The following FMNL3 variants were observed in gnomAD, a reference collection of about 807,000 sequenced individuals.
FMNL3 encodes formin like 3, also known as formin-like protein 3.
FMNL3 carries 57 observed loss-of-function variants against 119.6 expected under a neutral mutation model. The ratio of observed to expected loss-of-function variants is 0.48; its 90% CI spans 0.39 to 0.59. The LOEUF (loss-of-function observed/expected upper bound fraction) is 0.59. FMNL3 is among the 20% of genes least tolerant of loss of function. The pLI, the probability that FMNL3 is intolerant of heterozygous loss-of-function variation, is 0.00. For missense variants in FMNL3, 1,053 were observed against 1,323.5 expected (o/e 0.80, Z 3.17); for synonymous variants, 491 against 507.3 (o/e 0.97, Z 0.43).
Position 49,647,115 on chromosome 12 carries a change from G to A in FMNL3, c.2872-106C>T, listed in dbSNP as rs984146096. On this transcript the variant is annotated intron_variant, in intron 24 of 25. Transcript: ENST00000335154. The surrounding 1 kb of genome is among the most constrained non-coding windows in gnomAD (Gnocchi z 4.9). ...GGATGCCACTGCTTGTGCACTGCTA[G>A]GAATCCCCAAAGGCCCTCCCTCCAT... 13 of 1,578,840 alleles carry A rather than the reference G, an allele frequency of 8.2e-6. No homozygotes were observed. Among genetic ancestry groups the A allele is most frequent in the Non-Finnish European group, 1.0e-5 (12 of 1,157,510 alleles).
chr12:49,653,336 C>T lies in FMNL3; in HGVS notation c.1222-9G>A. 1 of 1,613,614 alleles carries T rather than the reference C, an allele frequency of 6.2e-7. No homozygotes were observed. The highest frequency in any genetic ancestry group is 1.1e-5 in the South Asian group (1 of 91,078). ...AGAAGCTTCTCTGTGAGCTGCACAA[C>T]AGGAAGGGCAGGTTCTGTGCTGGCC... On this transcript the variant is annotated splice_polypyrimidine_tract_variant and intron_variant, in intron 12 of 25. Transcript: ENST00000335154.
chr12:49,651,106 C>T, intron 16 of FMNL3, 62 bp downstream of exon 16: 2 of 1,591,042 alleles, frequency 1.3e-6, no homozygotes, highest in Non-Finnish European at 1.7e-6. Flanking sequence ...CCAGAATCTC[C>T]TCAAAAGGCA....
chr12:49,659,812 C>T, intron 5 of FMNL3: 2 of 985,358 alleles, frequency 2.0e-6, no homozygotes, highest in Non-Finnish European at 2.4e-6. Context: ...CAGGATATAC[C>T]CCTCTGAGAA....
chr12:49,651,315 G>C (rs776156359), intron 15 of FMNL3, 23 bp from the exon 16 acceptor site: 4 of 1,608,468 alleles, frequency 2.5e-6, no homozygotes, highest in Non-Finnish European at 3.4e-6. Context: ...GAGGATCAGT[G>C]ACACAGGGGC....
intron 1 of FMNL3, among the ~76,000 whole-genome samples, chr12:49,697,914 C>G (rs1944795454): frequency 6.6e-6 from 1 of 151,758 alleles, no homozygotes; most frequent in African/African-American, 2.4e-5. Flanking sequence ...ATTCCAAAAC[C>G]AATGGTCTAC....
intron 1 of FMNL3, among the ~76,000 whole-genome samples, chr12:49,689,505 G>A (rs955160209): frequency 2.0e-5 from 3 of 152,142 alleles, no homozygotes; most frequent in African/African-American, 7.2e-5. Context: ...AAGCTGAGGT[G>A]GGCAGATATG....
Position 49,641,143 on chromosome 12 carries a change from T to C in FMNL3, c.*4672A>G, listed in dbSNP as rs1220914845. On this transcript the variant is annotated 3_prime_UTR_variant, in exon 26 of 26. Transcript: ENST00000335154. ...ATCTTGGGCCAACTGAGATCACTTT[T>C]CTAAGCCTCTGCTTCACTGGAATGT... 1 of 152,232 alleles carries C rather than the reference T, an allele frequency of 6.6e-6. No homozygotes were observed. The highest frequency in any genetic ancestry group is 1.5e-5 in the Non-Finnish European group (1 of 68,052). 9.4% of individuals were successfully genotyped at this position (152,232 alleles called of 1,614,324 possible). A position where few individuals can be genotyped will look rare whatever the true frequency, so the allele number is the denominator to read the frequency against.
At chr12:49,658,997 T>C (rs751730604) in intron 5 of FMNL3, among the ~76,000 whole-genome samples, 3 of 152,186 alleles carry the variant, frequency 2.0e-5, no homozygotes, top group Non-Finnish European at 2.9e-5. Flanking sequence ...ATCTGCCCCA[T>C]AGAGGGAATG....
chr12:49,645,123 A>C lies in FMNL3; in HGVS notation c.*692T>G, dbSNP rs1018663033. On this transcript the variant is annotated 3_prime_UTR_variant, in exon 26 of 26. Coordinates refer to ENST00000335154, the MANE Select transcript of FMNL3 (RefSeq NM_175736.5). ...CCCTGCCAAAAAAAAAAAAAAAAAA[A>C]AAAAAACCGTAGCTGAGGAAAGAAG... The C allele has an allele frequency of 3.3e-5, 5 of 151,788 alleles. No individual in the cohort carries two copies. The highest frequency in any genetic ancestry group is 6.6e-5 in the Admixed American group (1 of 15,260). The allele number at this position is 151,788 out of a possible 1,614,324, so 9.4% of individuals were successfully genotyped here.
In FMNL3 at chr12:49,649,222, C is replaced by T; in HGVS notation, c.2385+37G>A. ...ACTCTGGCTCCACAACTGCTGCCCC[C>T]CAGGCTTCCTGGCCCACGCTGCCCT... On this transcript the variant is annotated intron_variant, in intron 20 of 25. Coordinates refer to ENST00000335154, the MANE Select transcript of FMNL3 (RefSeq NM_175736.5). This position sits in a 1 kb window ranked among gnomAD's most constrained non-coding sequence, Gnocchi z 5.6. 4.3e-6 allele frequency: 7 copies of T among 1,613,672 alleles called. No homozygotes were observed. The highest frequency in any genetic ancestry group is 1.6e-4 in the Middle Eastern group (1 of 6,062).
intron 5 of FMNL3, 59 bp downstream of exon 5, chr12:49,661,907 G>A: frequency 1.4e-6 from 2 of 1,464,206 alleles, no homozygotes; most frequent in African/African-American, 2.8e-5. Context: ...TATCAAAGTA[G>A]AATGGAACTA....
intron 4 of FMNL3, among the ~76,000 whole-genome samples, chr12:49,664,093 C>T (rs1183171467): frequency 6.6e-6 from 1 of 152,188 alleles, no homozygotes; most frequent in Non-Finnish European, 1.5e-5. Context: ...ACTAAAAATA[C>T]AAAAATTAGC....
chr12:49,668,944 A>C (rs1943965197), intron 1 of FMNL3, among the ~76,000 whole-genome samples: 1 of 152,224 alleles, frequency 6.6e-6, no homozygotes, highest in African/African-American at 2.4e-5. Context: ...ATGTGACGGG[A>C]ACATGAGATG....
intron 4 of FMNL3, among the ~76,000 whole-genome samples, chr12:49,662,328 C>G (rs1943758517): frequency 6.6e-6 from 1 of 152,204 alleles, no homozygotes; most frequent in African/African-American, 2.4e-5. Context: ...TCCTTAAGGG[C>G]CAGACCCTGG....
At chr12:49,650,640 G>T (rs764664972) in intron 17 of FMNL3, 36 bp downstream of exon 17, 15 of 1,609,240 alleles carry the variant, frequency 9.3e-6, no homozygotes, top group Middle Eastern at 2.2e-4. Context: ...GTTGCCAACA[G>T]ACTAGGGACC....
Position 49,642,294 on chromosome 12 carries a change from G to A in FMNL3, c.*3521C>T. The A allele has an allele frequency of 6.2e-7, 1 of 1,614,220 alleles. No homozygotes were observed. The highest frequency in any genetic ancestry group is 8.5e-7 in the Non-Finnish European group (1 of 1,180,042). Reference sequence around the variant, plus strand: ...GGGAGAAGGAGGAGGCACGCAGGATGCGGCGCAGGGAAGCTGCCTTTCGAA... The same window carrying A: ...GGGAGAAGGAGGAGGCACGCAGGATACGGCGCAGGGAAGCTGCCTTTCGAA... On this transcript the variant is annotated 3_prime_UTR_variant, in exon 26 of 26. Coordinates refer to ENST00000335154, the MANE Select transcript of FMNL3 (RefSeq NM_175736.5). This position sits in a 1 kb window ranked among gnomAD's most constrained non-coding sequence, Gnocchi z 5.8.
At position 49,645,739 on chromosome 12, in the gene FMNL3, C is replaced by A; in HGVS notation, c.*76G>T. ...AGAGCAACACAGCCCTCTCCTGAGC[C>A]CTTGGCCAATTCCAGGTCCACTGGT... On this transcript the variant is annotated 3_prime_UTR_variant, in exon 26 of 26. Coordinates refer to ENST00000335154, the MANE Select transcript of FMNL3 (RefSeq NM_175736.5). 2 of 1,313,184 alleles carry A rather than the reference C, an allele frequency of 1.5e-6. No individual in the cohort carries two copies. Among genetic ancestry groups the A allele is most frequent in the Non-Finnish European group, 2.1e-6 (2 of 947,536 alleles). 81.3% of individuals were successfully genotyped at this position (1,313,184 alleles called of 1,614,324 possible).
Position 49,642,721 on chromosome 12 carries a change from A to AAT in FMNL3, c.*3093_*3094insAT. ...GGATCTGCCTCAGGCCCTTGAACTCATTAGACCAGTTCAACAGAGACCTCA... is the reference window on the plus strand; with the variant it reads ...GGATCTGCCTCAGGCCCTTGAACTCAATTTAGACCAGTTCAACAGAGACCTCA... On this transcript the variant is annotated 3_prime_UTR_variant, in exon 26 of 26. Coordinates refer to ENST00000335154, the MANE Select transcript of FMNL3 (RefSeq NM_175736.5). This position sits in a 1 kb window ranked among gnomAD's most constrained non-coding sequence, Gnocchi z 5.8. The AAT allele has an allele frequency of 6.3e-7, 1 of 1,578,250 alleles. No homozygotes were observed. The highest frequency in any genetic ancestry group is 8.6e-7 in the Non-Finnish European group (1 of 1,156,722).
Position 49,643,421 on chromosome 12 carries a change from A to C in FMNL3, c.*2394T>G. On this transcript the variant is annotated 3_prime_UTR_variant, in exon 26 of 26. Transcript: ENST00000335154. ...AGGTAAGCAGTTGCTGTGAGCGTAG[A>C]AGCTGGAGAACTGTTGTCCCAGACT... 1 of 1,533,660 alleles carries C rather than the reference A, an allele frequency of 6.5e-7. No homozygotes were observed. The highest frequency in any genetic ancestry group is 8.7e-7 in the Non-Finnish European group (1 of 1,143,020).
Sources: gnomAD v4.1 joint callset for allele counts (sites outside exome capture counted in the v4.1 genomes callset) on GRCh38, gnomAD v4.1.1 for gene constraint, Gnocchi (gnomAD v3.1) non-coding constraint, MANE v1.5 for transcripts, NCBI Gene and HGNC (gene_info 2026-07-23, HGNC 2026-07-21) for gene names.